The following UNC80 variants were observed in gnomAD, a reference collection of about 807,000 sequenced individuals.
The protein encoded by UNC80 is protein unc-80 homolog.
A neutral mutation model predicts 384.6 loss-of-function variants in UNC80; 164 were observed. That is an observed-to-expected ratio of 0.43 (90% confidence interval 0.38 to 0.49). The LOEUF is 0.49. Ranked by LOEUF, UNC80 falls within the 20% of genes least tolerant of loss-of-function variation. UNC80 has a pLI of 0.00. For synonymous variants in UNC80, 1,486 were observed against 1,527.8 expected, an observed-to-expected ratio of 0.97 and a Z score of 0.64; for missense variants, 3,330 against 4,143.0, an observed-to-expected ratio of 0.80 and a Z score of 5.39.
In UNC80 at chr2:209,774,203, C is replaced by T. The variant is rs774230480; in HGVS notation, c.141+1061C>T. Among the ~76,000 whole-genome samples the T allele has an allele frequency of 5.3e-5, 8 of 152,158 alleles. No homozygotes were observed. The East Asian group carries it at 5.8e-4, about 11-fold the overall frequency. ...AGTTAAACACATACATGCCCACTCA[C>T]GTAGGAATTTGTTTTGTTGCATCTC... On this transcript the variant is annotated intron_variant, in intron 2 of 64. Coordinates refer to ENST00000673920, the MANE Select transcript of UNC80 (RefSeq NM_001371986.1).
intron 51 of UNC80, among the ~76,000 whole-genome samples, chr2:209,962,570 A>G (rs1437711905): frequency 2.0e-5 from 3 of 152,240 alleles, no homozygotes; most frequent in Non-Finnish European, 4.4e-5. Flanking sequence ...ATTGATCTGA[A>G]GCCAGGATAA....
At chr2:209,783,772 A>T (rs1355031478) in intron 4 of UNC80, among the ~76,000 whole-genome samples, 1 of 152,180 alleles carries the variant, frequency 6.6e-6, no homozygotes, top group African/African-American at 2.4e-5. Context: ...AAAGGACTGA[A>T]CTCAGAAACT....
intron 22 of UNC80, among the ~76,000 whole-genome samples, chr2:209,870,406 T>C (rs1319408771): frequency 6.6e-6 from 1 of 152,176 alleles, no homozygotes; most frequent in Non-Finnish European, 1.5e-5. Context: ...TGTAGATATT[T>C]AGTCTATATG....
intron 55 of UNC80, 94 bp downstream of exon 55, chr2:209,972,418 A>T: frequency 1.4e-6 from 2 of 1,477,012 alleles, no homozygotes; most frequent in Non-Finnish European, 1.8e-6. Context: ...CATGAAGGCT[A>T]TCACTGAAGT....
chr2:209,968,804 G>A (rs962892421), intron 52 of UNC80: 1 of 152,086 alleles, frequency 6.6e-6, no homozygotes, highest in Admixed American at 6.5e-5. Context: ...TATGCTTCCC[G>A]AAAGTAGATT....
intron 13 of UNC80, among the ~76,000 whole-genome samples, chr2:209,823,896 C>T (rs2080317159): frequency 6.6e-6 from 1 of 151,994 alleles, no homozygotes; most frequent in Non-Finnish European, 1.5e-5. Flanking sequence ...TAAAATGCTC[C>T]AAGATCTGAA....
chr2:209,878,633 AT>A (rs1288739006), intron 24 of UNC80, among the ~76,000 whole-genome samples: 1 of 152,226 alleles, frequency 6.6e-6, no homozygotes, highest in African/African-American at 2.4e-5. Flanking sequence ...GTACCTATTT[AT>A]TAAATTTATA....
intron 61 of UNC80, among the ~76,000 whole-genome samples, chr2:209,991,502 T>C (rs2093390591): frequency 6.6e-6 from 1 of 152,204 alleles, no homozygotes; most frequent in Non-Finnish European, 1.5e-5. Context: ...TTTTATAAAC[T>C]GCATGGTATG....
At chr2:209,963,507 CT>C (rs1178068423) in intron 51 of UNC80, among the ~76,000 whole-genome samples, 2 of 152,204 alleles carry the variant, frequency 1.3e-5, no homozygotes, top group Non-Finnish European at 2.9e-5. Flanking sequence ...TCTACGTAGT[CT>C]TTGGAAGCTC....
intron 36 of UNC80, among the ~76,000 whole-genome samples, chr2:209,927,850 T>TA (rs1372516299): frequency 6.6e-6 from 1 of 152,120 alleles, no homozygotes; most frequent in Non-Finnish European, 1.5e-5. Flanking sequence ...TTATTTAAAA[T>TA]AAAAAATATT....
chr2:209,992,573 C>T (rs758126329), intron 62 of UNC80, among the ~76,000 whole-genome samples: 15 of 152,142 alleles, frequency 9.9e-5, no homozygotes, highest in Non-Finnish European at 2.1e-4. Flanking sequence ...CCAAATGTTT[C>T]GATCTTCTAT....
chr2:209,979,001 C>G (rs1380925598), intron 59 of UNC80, among the ~76,000 whole-genome samples: 1 of 152,204 alleles, frequency 6.6e-6, no homozygotes, highest in East Asian at 1.9e-4. Context: ...GTAGTCCCAG[C>G]ACTTTGGGAG....
intron 4 of UNC80, 107 bp from the exon 5 acceptor site, chr2:209,785,959 C>T: frequency 7.8e-7 from 1 of 1,279,454 alleles, no homozygotes; most frequent in Non-Finnish European, 1.1e-6. Context: ...CAGATAAATT[C>T]ACTCTGAAAA....
chr2:209,870,111 A>G (rs1485994878), intron 22 of UNC80, among the ~76,000 whole-genome samples: 2 of 152,130 alleles, frequency 1.3e-5, no homozygotes, highest in African/African-American at 2.4e-5. Flanking sequence ...CCCCATACAT[A>G]TGGTCCACGT....
rs562198806 is a variant in UNC80 at position 209,963,675 on chromosome 2, A to G, written c.7806-3762A>G. 2.0e-5 allele frequency among the ~76,000 whole-genome samples: 3 copies of G among 152,368 alleles called. No homozygotes were observed. The East Asian group carries it at 5.8e-4, about 29-fold the overall frequency. ...TCTGTATATCAAATTCATGAGAAAG[A>G]GATAAACAAAAGAATGTATAAGCTG... On this transcript the variant is annotated intron_variant, in intron 51 of 64. Transcript: ENST00000673920.
chr2:209,963,803 C>A (rs2092668069), intron 51 of UNC80, among the ~76,000 whole-genome samples: 1 of 152,184 alleles, frequency 6.6e-6, no homozygotes, highest in Non-Finnish European at 1.5e-5. Flanking sequence ...GAGACAATAA[C>A]TATTTCTTGA....
At chr2:209,950,145 G>T (rs1244069350) in intron 47 of UNC80, among the ~76,000 whole-genome samples, 1 of 152,048 alleles carries the variant, frequency 6.6e-6, no homozygotes, top group African/African-American at 2.4e-5. Context: ...TGAGCATTTT[G>T]TCTTCCCAAA....
At chr2:209,848,610 G>C (rs2082317255) in intron 21 of UNC80, among the ~76,000 whole-genome samples, 1 of 152,116 alleles carries the variant, frequency 6.6e-6, no homozygotes, top group African/African-American at 2.4e-5. Context: ...CAGACATCAT[G>C]TTATTTCATA....
intron 15 of UNC80, among the ~76,000 whole-genome samples, chr2:209,830,139 C>A (rs2080850256): frequency 6.6e-6 from 1 of 152,106 alleles, no homozygotes; most frequent in Non-Finnish European, 1.5e-5. Context: ...GTAGTATAGG[C>A]TTTTATTGTT....
Sources: gnomAD v4.1 joint callset for allele counts (sites outside exome capture counted in the v4.1 genomes callset) on GRCh38, gnomAD v4.1.1 for gene constraint, MANE v1.5 for transcripts, NCBI Gene and HGNC (gene_info 2026-07-23, HGNC 2026-07-21) for gene names.